The following ST8SIA2 variants were observed in gnomAD, a reference collection of about 807,000 sequenced individuals.
ST8SIA2 encodes ST8 alpha-N-acetyl-neuraminide alpha-2,8-sialyltransferase 2.
ST8SIA2 carries 22 observed loss-of-function variants against 37.6 expected under a neutral mutation model. That is an observed-to-expected ratio of 0.58 (90% CI 0.42 to 0.83). The LOEUF (loss-of-function observed/expected upper bound fraction) is 0.83, where lower values mean the gene tolerates loss of function less well. Among genes scored for constraint, ST8SIA2 ranks in the 40% least tolerant of loss-of-function variants. The probability of loss-of-function intolerance (pLI) is 0.00; values close to 1 mark genes in which losing one functional copy is unlikely to be tolerated. For synonymous variants in ST8SIA2, 205 were observed against 201.2 expected (o/e 1.02, Z -0.16); for missense variants, 382 against 484.7 (o/e 0.79, Z 1.99).
chr15:92,415,735 A>G (rs1250126058), intron 1 of ST8SIA2, among the ~76,000 whole-genome samples: 5 of 152,298 alleles, frequency 3.3e-5, no homozygotes, highest in Admixed American at 2.6e-4. Context: ...AAAAAGGTCG[A>G]ACATGCAAGC....
Position 92,468,147 on chromosome 15 carries a change from A to G in ST8SIA2, c.*3762A>G, listed in dbSNP as rs2050006209. On this transcript the variant is annotated 3_prime_UTR_variant, in exon 6 of 6. Coordinates refer to ENST00000268164, the MANE Select transcript of ST8SIA2 (RefSeq NM_006011.4). ...TATTTCAGCAACAGTCTCATCTCCC[A>G]GATTACCTCTGTGCACACTGACACG... is the stretch of plus-strand genomic sequence containing the variant. 6.6e-6 allele frequency: 1 copy of G among 152,590 alleles called. No homozygotes were observed. Among genetic ancestry groups the G allele is most frequent in the African/African-American group, 2.4e-5 (1 of 41,440 alleles). The allele number at this position is 152,590 out of a possible 1,614,324, so 9.5% of individuals were successfully genotyped here. A position where few individuals can be genotyped will look rare whatever the true frequency, so the allele number is the denominator to read the frequency against.
Position 92,464,402 on chromosome 15 carries a change from G to A in ST8SIA2, c.*17G>A. 1 of 1,612,878 alleles carries A rather than the reference G, an allele frequency of 6.2e-7. No individual in the cohort carries two copies. The highest frequency in any genetic ancestry group is 1.7e-5 in the Admixed American group (1 of 60,020). The stretch of plus-strand genomic sequence containing the variant: ...GCCACGTAGGGTGGGCACCCCATGG[G>A]ACTCAGTGGCTCACATTTCCTGCCA... On this transcript the variant is annotated 3_prime_UTR_variant, in exon 6 of 6. Transcript: ENST00000268164.
chr15:92,449,832 G>C (rs552002578), intron 5 of ST8SIA2, among the ~76,000 whole-genome samples: 1 of 152,070 alleles, frequency 6.6e-6, no homozygotes, highest in African/African-American at 2.4e-5. Flanking sequence ...GTCTTTTGCC[G>C]ATTTTTTAAT....
At chr15:92,446,833 T>TTGG (rs1567222087) in intron 5 of ST8SIA2, among the ~76,000 whole-genome samples, 11 of 152,048 alleles carry the variant, frequency 7.2e-5, no homozygotes, top group Admixed American at 3.3e-4. Flanking sequence ...GGAGGGTGTG[T>TTGG]TCAAGGTTCA....
chr15:92,461,790 C>T (rs1006098946), intron 5 of ST8SIA2, among the ~76,000 whole-genome samples: 1 of 152,166 alleles, frequency 6.6e-6, no homozygotes, highest in Non-Finnish European at 1.5e-5. Context: ...TGGGGGGCTA[C>T]TAGGTGGAGG....
At chr15:92,419,990 G>A (rs1402167983) in intron 1 of ST8SIA2, among the ~76,000 whole-genome samples, 2 of 152,024 alleles carry the variant, frequency 1.3e-5, no homozygotes, top group Non-Finnish European at 2.9e-5. Context: ...CTCAGCCTCC[G>A]GAGTAGCTAG....
chr15:92,443,168 C>T (rs927120152), intron 4 of ST8SIA2, among the ~76,000 whole-genome samples: 1 of 152,204 alleles, frequency 6.6e-6, no homozygotes, highest in African/African-American at 2.4e-5. Flanking sequence ...TTGATGATGA[C>T]CTGTGATCCC....
At chr15:92,409,620 G>A (rs11637898) in intron 1 of ST8SIA2, among the ~76,000 whole-genome samples, 66,942 of 152,042 alleles carry the variant, frequency 0.44, 16,150 homozygotes, top group East Asian at 0.68. Context: ...CCTGGTACAT[G>A]CTCAGTAACT....
intron 3 of ST8SIA2, 147 bp downstream of exon 3, chr15:92,434,522 C>T (rs1345366817): frequency 7.0e-6 from 9 of 1,280,940 alleles, no homozygotes; most frequent in Middle Eastern, 2.6e-4. Context: ...AGTGATCAAT[C>T]GGAAATAAAA....
intron 1 of ST8SIA2, chr15:92,422,117 GAA>G (rs1199901414): frequency 1.3e-5 from 2 of 152,120 alleles, no homozygotes; most frequent in East Asian, 3.8e-4. Context: ...GGCCTCTTTG[GAA>G]AAAGTTTGCT....
chr15:92,454,757 T>C (rs2049907997), intron 5 of ST8SIA2, among the ~76,000 whole-genome samples: 1 of 151,508 alleles, frequency 6.6e-6, no homozygotes, highest in Admixed American at 6.6e-5. Flanking sequence ...TGCTGGCCTG[T>C]GGGGTGGCAC....
In ST8SIA2 at chr15:92,452,051, G is replaced by A. The variant is rs545981663; in HGVS notation, c.842+7122G>A. On this transcript the variant is annotated intron_variant, in intron 5 of 5. Coordinates refer to ENST00000268164, the MANE Select transcript of ST8SIA2 (RefSeq NM_006011.4). ...GCAGATGGCATAGGGGCTACAAAGG[G>A]CAAATGTGTAATGAACTCCTCAACC... is the stretch of plus-strand genomic sequence containing the variant. Among the ~76,000 whole-genome samples the A allele has an allele frequency of 2.0e-5, 3 of 152,314 alleles. No homozygotes were observed. The South Asian group carries it at 6.2e-4, about 32-fold the overall frequency.
intron 4 of ST8SIA2, among the ~76,000 whole-genome samples, chr15:92,440,009 A>G (rs1249583901): frequency 6.6e-6 from 1 of 152,084 alleles, no homozygotes; most frequent in East Asian, 1.9e-4. Flanking sequence ...TTCCATTGTC[A>G]CAAGTCATGA....
intron 4 of ST8SIA2, among the ~76,000 whole-genome samples, chr15:92,438,831 G>T (rs746065164): frequency 3.3e-5 from 5 of 152,184 alleles, no homozygotes; most frequent in Admixed American, 6.5e-5. Flanking sequence ...GGGAAGAGAG[G>T]CGTGGCAGGG....
At chr15:92,449,096 A>C (rs1185807157) in intron 5 of ST8SIA2, among the ~76,000 whole-genome samples, 1 of 152,094 alleles carries the variant, frequency 6.6e-6, no homozygotes, top group East Asian at 1.9e-4. Flanking sequence ...GAGGTTTGTG[A>C]TACAAACGAT....
chr15:92,428,505 C>A (rs944161997), intron 1 of ST8SIA2, among the ~76,000 whole-genome samples: 3 of 152,144 alleles, frequency 2.0e-5, no homozygotes, highest in Non-Finnish European at 2.9e-5. Context: ...GGTTAGGGTC[C>A]AGCTGGTGGC....
chr15:92,429,943 C>CACCCTCTGT, intron 1 of ST8SIA2, 106 bp from the exon 2 acceptor site: 1 of 1,232,282 alleles, frequency 8.1e-7, no homozygotes, highest in South Asian at 1.3e-5. Flanking sequence ...AGGTCTCTTC[C>CACCCTCTGT]ACCCTCTGTA....
rs781534239 is a variant in ST8SIA2 at position 92,438,310 on chromosome 15, T to C, written c.291-43T>C. Reference sequence around the variant, plus strand: ...AAAAGCTGGGCTGGCAAAGGGCAGCTGGCACCCTGGAGAATTTCCTCACGC... The same window carrying C: ...AAAAGCTGGGCTGGCAAAGGGCAGCCGGCACCCTGGAGAATTTCCTCACGC... On this transcript the variant is annotated intron_variant, in intron 3 of 5. Transcript: ENST00000268164. 3 of 1,614,200 alleles carry C rather than the reference T, an allele frequency of 1.9e-6. No individual in the cohort carries two copies. The South Asian group carries it at 3.3e-5, about 18-fold the overall frequency.
chr15:92,438,265 G>A, intron 3 of ST8SIA2, 88 bp from the exon 4 acceptor site: 2 of 1,596,976 alleles, frequency 1.3e-6, no homozygotes, highest in Non-Finnish European at 1.7e-6. Context: ...CAGCCACCGT[G>A]CAGGGCGACC....
Sources: allele counts gnomAD v4.1 joint callset (sites outside exome capture counted in the v4.1 genomes callset), GRCh38; gene constraint gnomAD v4.1.1; transcripts MANE v1.5; gene names NCBI Gene and HGNC (gene_info 2026-07-23, HGNC 2026-07-21).